Variants in TRIM43 observed in about 807,000 individuals in gnomAD.
The protein encoded by TRIM43 is tripartite motif-containing protein 43.
Under a neutral mutation model 27.7 loss-of-function variants are expected in TRIM43, and 12 were observed. The observed-to-expected ratio is 0.43, with a 90% confidence interval of 0.28 to 0.70. The LOEUF is 0.70. TRIM43 is among the 30% of genes least tolerant of loss of function. TRIM43 has a pLI of 0.17. For missense variants in TRIM43, 186 were observed against 356.5 expected (o/e 0.52, Z 3.85); for synonymous variants, 64 against 121.9 (o/e 0.52, Z 3.13).
chr2:95,595,174 C>G lies in TRIM43; in HGVS notation c.507+29C>G, dbSNP rs781269396. 1.8e-5 allele frequency: 28 copies of G among 1,557,034 alleles called. 1 individual carries two copies. The South Asian group carries it at 3.2e-4, about 18-fold the overall frequency. On this transcript the variant is annotated intron_variant, in intron 3 of 6. Coordinates refer to ENST00000272395, the MANE Select transcript of TRIM43 (RefSeq NM_138800.3). Reference sequence around the variant, plus strand: ...AGTATGAGACCGTGAGTCCTCCTGACCAGCTTGAGACAGGCATGCTGACAA... The same window carrying G: ...AGTATGAGACCGTGAGTCCTCCTGAGCAGCTTGAGACAGGCATGCTGACAA...
intron 1 of TRIM43, among the ~76,000 whole-genome samples, chr2:95,593,744 G>A (rs1558837954): frequency 6.6e-6 from 1 of 151,772 alleles, no homozygotes; most frequent in Non-Finnish European, 1.5e-5. Context: ...CAATTTGGTG[G>A]ATACTAACAC....
rs1331432147 is a variant in TRIM43, at chr2:95,596,295, C to T, written c.601C>T (p.Leu201=). The stretch of plus-strand genomic sequence containing the variant: ...GGAAGAAAAACAACATTTAGAGAGA[C>T]TGAACAAGGAATACCAAGAGATTTT... ...HKEEKQHLER[L]NKEYQEIFQQ... The change falls in exon 4 of 7, where the codon CTG becomes TTG. Residue 201 remains leucine, a synonymous_variant. Coordinates refer to ENST00000272395, the MANE Select transcript of TRIM43 (RefSeq NM_138800.3). 1 of 1,608,862 alleles carries T rather than the reference C, an allele frequency of 6.2e-7. No individual in the cohort carries two copies. Among genetic ancestry groups the T allele is most frequent in the Admixed American group, 1.7e-5 (1 of 59,852 alleles).
At chr2:95,594,763 G>A (rs1433091661) in intron 2 of TRIM43, among the ~76,000 whole-genome samples, 1 of 151,070 alleles carries the variant, frequency 6.6e-6, no homozygotes. Context: ...TATGGGAGTA[G>A]CACACTACAA....
intron 3 of TRIM43, among the ~76,000 whole-genome samples, chr2:95,595,361 G>A (rs911866001): frequency 6.6e-6 from 1 of 151,658 alleles, no homozygotes; most frequent in African/African-American, 2.4e-5. Flanking sequence ...TGAAGGGCAA[G>A]TATGTGCTTA....
rs1354055562 is a variant in TRIM43, at chr2:95,594,135, T to A, written c.112T>A (p.Cys38Ser). 1.2e-6 allele frequency: 2 copies of A among 1,612,628 alleles called. No homozygotes were observed. Among genetic ancestry groups the A allele is most frequent in the African/African-American group, 1.3e-5 (1 of 74,534 alleles). The change falls in exon 2 of 7, where the codon TGT becomes AGT. Residue 38 changes from cysteine to serine, a missense_variant. By Grantham distance (112) the Cys-to-Ser change is moderately radical. This residue lies in a region of TRIM43 where 41 missense variants were observed against 46.1 expected (regional missense o/e 0.89). Coordinates refer to ENST00000272395, the MANE Select transcript of TRIM43 (RefSeq NM_138800.3). ...CTGTGGGCACAGCTTCTGTAGGCCCTGTCTCTGCCTTTCGTGGGAGGAAGC... is the reference window on the plus strand; with the variant it reads ...CTGTGGGCACAGCTTCTGTAGGCCCAGTCTCTGCCTTTCGTGGGAGGAAGC... ...ICCGHSFCRP[C>S]LCLSWEEAQS...
intron 1 of TRIM43, 76 bp from the exon 2 acceptor site, chr2:95,593,944 G>C: frequency 6.5e-7 from 1 of 1,545,798 alleles, no homozygotes; most frequent in Non-Finnish European, 8.7e-7. Context: ...ATTCGATCAC[G>C]ATCTGATTCA....
chr2:95,592,208 T>G (rs762008854), intron 1 of TRIM43, 59 bp downstream of exon 1: 3 of 151,758 alleles, frequency 2.0e-5, no homozygotes, highest in African/African-American at 4.8e-5. Flanking sequence ...CAAAACAAAA[T>G]TTGGGGACTT....
chr2:95,594,136 G>C lies in TRIM43; in HGVS notation c.113G>C (p.Cys38Ser). The change falls in exon 2 of 7, where the codon TGT becomes TCT. Residue 38 changes from cysteine (C) to serine (S), a missense_variant. By Grantham distance (112) the Cys-to-Ser change is moderately radical. This residue lies in a region of TRIM43 where 41 missense variants were observed against 46.1 expected (regional missense o/e 0.89). Transcript: ENST00000272395. ...ICCGHSFCRP[C>S]LCLSWEEAQS... ...TGTGGGCACAGCTTCTGTAGGCCCTGTCTCTGCCTTTCGTGGGAGGAAGCC... is the reference window on the plus strand; with the variant it reads ...TGTGGGCACAGCTTCTGTAGGCCCTCTCTCTGCCTTTCGTGGGAGGAAGCC... The C allele has an allele frequency of 6.2e-7, 1 of 1,612,690 alleles. No homozygotes were observed. Among genetic ancestry groups the C allele is most frequent in the Non-Finnish European group, 8.5e-7 (1 of 1,179,554 alleles).
intron 1 of TRIM43, among the ~76,000 whole-genome samples, chr2:95,592,618 A>G (rs1573640833): frequency 1.3e-5 from 2 of 150,122 alleles, no homozygotes; most frequent in Admixed American, 6.6e-5. Context: ...TGATCCGTTC[A>G]CCTCCGCCTC....
In TRIM43 at chr2:95,594,381, G is replaced by A; in HGVS notation, c.358G>A (p.Glu120Lys). ...LLCLLCSNSQ[E>K]HGAHKHHPIE... ...CTGCTTGCTGTGCTCCAACTCTCAG[G>A]AGCACGGGGCTCACAAACACCATCC... is the stretch of plus-strand genomic sequence containing the variant. The change falls in exon 2 of 7, where the codon GAG becomes AAG. Residue 120 changes from glutamate to lysine, a missense_variant. Glu to Lys is a moderately conservative substitution (Grantham distance 56, BLOSUM62 1). Around this residue, in one of 6 missense-constraint regions of TRIM43, gnomAD observed 91 missense variants for 119.3 expected, o/e 0.76. Coordinates refer to ENST00000272395, the MANE Select transcript of TRIM43 (RefSeq NM_138800.3). 1.9e-6 allele frequency: 3 copies of A among 1,610,832 alleles called. No individual in the cohort carries two copies. The highest frequency in any genetic ancestry group is 2.5e-6 in the Non-Finnish European group (3 of 1,179,522).
At chr2:95,592,884 T>C (rs552788628) in intron 1 of TRIM43, among the ~76,000 whole-genome samples, 4 of 151,226 alleles carry the variant, frequency 2.6e-5, no homozygotes, top group Non-Finnish European at 5.9e-5. Context: ...TACTGTCTAG[T>C]GCCTAGTTTT....
At position 95,595,119 on chromosome 2, in the gene TRIM43, G is replaced by T. The variant is rs371142909; in HGVS notation, c.481G>T (p.Glu161Ter). Residue 161 changes from glutamate to a stop codon, truncating the protein, a stop_gained, in exon 3 of 7, where the codon GAG becomes TAG. Coordinates refer to ENST00000272395, the MANE Select transcript of TRIM43 (RefSeq NM_138800.3). LOFTEE classifies it high-confidence loss of function. ...AGAAAATCAGAGAAATCTATATGAGGAGGGAAGAACAGCCTTCCTCTGGAG... is the reference window on the plus strand; with the variant it reads ...AGAAAATCAGAGAAATCTATATGAGTAGGGAAGAACAGCCTTCCTCTGGAG... ...IQENQRNLYE[E>*]GRTAFLWRGN... The T allele has an allele frequency of 1.2e-5, 20 of 1,612,182 alleles. No individual in the cohort carries two copies. The highest frequency in any genetic ancestry group is 1.6e-5 in the Non-Finnish European group (19 of 1,179,144).
chr2:95,594,782 G>T (rs1685324046), intron 2 of TRIM43, among the ~76,000 whole-genome samples: 2 of 151,262 alleles, frequency 1.3e-5, no homozygotes, highest in South Asian at 2.1e-4. Flanking sequence ...AAAATCAGGG[G>T]CTAGCATAGT....
chr2:95,594,911 G>A, intron 2 of TRIM43, 139 bp from the exon 3 acceptor site: 2 of 703,250 alleles, frequency 2.8e-6, no homozygotes, highest in South Asian at 4.3e-5. Context: ...TATCAATTAA[G>A]GATGAGCAAT....
chr2:95,592,660 C>T (rs1214002544), intron 1 of TRIM43, among the ~76,000 whole-genome samples: 1 of 151,292 alleles, frequency 6.6e-6, no homozygotes, highest in East Asian at 1.9e-4. Flanking sequence ...CCTGAGCCAC[C>T]GCGCCCGGCC....
At position 95,592,239 on chromosome 2, in the gene TRIM43, A is replaced by T. The variant is rs1208579053; in HGVS notation, c.-5+90A>T. The T allele has an allele frequency of 1.3e-5, 2 of 151,858 alleles. 1 individual carries two copies. The highest frequency in any genetic ancestry group is 4.8e-5 in the African/African-American group (2 of 41,292). 9.4% of individuals were successfully genotyped at this position (151,858 alleles called of 1,614,324 possible). ...GACTTTAATTTATCTGCAAACTTAG[A>T]TTATTTTTAGATGAAATGATCTCAT... On this transcript the variant is annotated intron_variant, in intron 1 of 6. Transcript: ENST00000272395.
rs2464729 is a variant in TRIM43, at chr2:95,594,429, C to G, written c.406C>G (p.His136Asp). 1,211 of 1,609,462 alleles carry G rather than the reference C, an allele frequency of 7.5e-4. 28 individuals carry two copies. The highest frequency in any genetic ancestry group is 6.9e-3 in the South Asian group (622 of 90,184). ...TCCCATCGAAGAGGCAGCTGAGGAACACCGGGTAAGAGATAGCTCTGTGAT... is the reference window on the plus strand; with the variant it reads ...TCCCATCGAAGAGGCAGCTGAGGAAGACCGGGTAAGAGATAGCTCTGTGAT... ...HHPIEEAAEE[H>D]REKLLKQMRI... The change falls in exon 2 of 7, where the codon CAC becomes GAC. Residue 136 changes from histidine (H) to aspartate (D), a missense_variant. Coordinates refer to ENST00000272395, the MANE Select transcript of TRIM43 (RefSeq NM_138800.3).
At chr2:95,596,584 C>G in intron 4 of TRIM43, 152 bp downstream of exon 4, 2 of 987,738 alleles carry the variant, frequency 2.0e-6, no homozygotes, top group Non-Finnish European at 1.5e-6. Flanking sequence ...ATAACTCCTA[C>G]GCTAATCATG....
intron 3 of TRIM43, among the ~76,000 whole-genome samples, chr2:95,595,953 C>T (rs1300654221): frequency 1.3e-5 from 2 of 151,586 alleles, no homozygotes; most frequent in African/African-American, 4.9e-5. Flanking sequence ...GACAATGTAA[C>T]AATCATAAAT....
Sources: allele counts gnomAD v4.1 joint callset (sites outside exome capture counted in the v4.1 genomes callset), GRCh38; gene constraint gnomAD v4.1.1; regional missense constraint gnomAD v4.1.1; transcripts MANE v1.5; gene names NCBI Gene and HGNC (gene_info 2026-07-23, HGNC 2026-07-21).